The following ANK1 variants were observed in gnomAD, a reference collection of about 807,000 sequenced individuals.
The protein encoded by ANK1 is ankyrin-1.
In ANK1, 51 loss-of-function variants were observed where a neutral mutation model predicts 210.4. The observed-to-expected ratio is 0.24, with a 90% CI of 0.19 to 0.31. The LOEUF is 0.31. Ranked by LOEUF, ANK1 falls within the 10% of genes least tolerant of loss-of-function variation. ANK1 has a pLI of 1.00. For missense variants in ANK1, 2,051 were observed against 2,504.4 expected, an observed-to-expected ratio of 0.82 and a Z score of 3.86; for synonymous variants, 967 against 1,025.9, an observed-to-expected ratio of 0.94 and a Z score of 1.10.
At chr8:41,843,220 G>A (rs542021758) in intron 1 of ANK1, among the ~76,000 whole-genome samples, 4 of 152,278 alleles carry the variant, frequency 2.6e-5, no homozygotes, top group South Asian at 2.1e-4. Context: ...CATGCGGTAC[G>A]TGAGAGATTT....
At chr8:41,763,689 A>G (rs934391472) in intron 1 of ANK1, among the ~76,000 whole-genome samples, 1 of 152,084 alleles carries the variant, frequency 6.6e-6, no homozygotes, top group Non-Finnish European at 1.5e-5. Flanking sequence ...GGTCCCACTC[A>G]GGCTCTGTCC....
chr8:41,747,531 C>A (rs570125983), intron 2 of ANK1, among the ~76,000 whole-genome samples: 4 of 152,270 alleles, frequency 2.6e-5, no homozygotes, highest in African/African-American at 9.6e-5. Context: ...GGCCTGAATT[C>A]TTTGAGATCC....
chr8:41,827,352 T>G (rs6990967), intron 1 of ANK1, among the ~76,000 whole-genome samples: 68,044 of 152,034 alleles, frequency 0.45, 15,886 homozygotes, highest in African/African-American at 0.55. Context: ...TCCGCCAGAG[T>G]AGCTGGCCAA....
chr8:41,749,994 C>G (rs1019687484), intron 2 of ANK1, among the ~76,000 whole-genome samples: 1 of 152,216 alleles, frequency 6.6e-6, no homozygotes, highest in Admixed American at 6.5e-5. Flanking sequence ...TTTTAGACCT[C>G]AGTTTCCTGA....
At chr8:41,870,221 G>A (rs1159796476) in intron 1 of ANK1, among the ~76,000 whole-genome samples, 1 of 151,978 alleles carries the variant, frequency 6.6e-6, no homozygotes, top group Non-Finnish European at 1.5e-5. Context: ...AAATGCCCGA[G>A]ATTATGCATG....
chr8:41,746,279 A>G (rs1836108559), intron 2 of ANK1, among the ~76,000 whole-genome samples: 1 of 152,212 alleles, frequency 6.6e-6, no homozygotes, highest in Non-Finnish European at 1.5e-5. Flanking sequence ...CTAAGGAATC[A>G]GAAGCCAGGC....
At chr8:41,808,462 C>T (rs540095913) in intron 1 of ANK1, among the ~76,000 whole-genome samples, 12 of 152,130 alleles carry the variant, frequency 7.9e-5, no homozygotes, top group Middle Eastern at 3.4e-3. Context: ...GTCAGGAATT[C>T]GAGACCAGCC....
chr8:41,857,141 A>C (rs1022177571), intron 1 of ANK1, among the ~76,000 whole-genome samples: 6 of 150,830 alleles, frequency 4.0e-5, no homozygotes, highest in Non-Finnish European at 8.8e-5. Flanking sequence ...CAGCCTCCTA[A>C]AGTGCTGGGA....
intron 40 of ANK1, among the ~76,000 whole-genome samples, chr8:41,662,279 T>C (rs1585814999): frequency 6.7e-6 from 1 of 149,642 alleles, no homozygotes; most frequent in Admixed American, 6.6e-5. Context: ...GCGGGGGGGC[T>C]GGTCAAGCCC....
chr8:41,777,870 G>A (rs976118429), intron 1 of ANK1, among the ~76,000 whole-genome samples: 16 of 152,104 alleles, frequency 1.1e-4, no homozygotes, highest in African/African-American at 3.4e-4. Context: ...AACAGCCAGC[G>A]CATCATTTCT....
At position 41,785,842 on chromosome 8, in the gene ANK1, T is replaced by G. The variant is rs191738821; in HGVS notation, c.27+11670A>C. On this transcript the variant is annotated intron_variant, in intron 1 of 42. Coordinates refer to ENST00000289734, the MANE Select transcript of ANK1 (RefSeq NM_000037.4). ...TGCTTTCCAGACCCTTTAAACACCC[T>G]GGCGGAGCCTTGCTCGGCCCTTCTG... Among the ~76,000 whole-genome samples the G allele has an allele frequency of 2.5e-3, 385 of 152,328 alleles. 1 individual carries two copies. The highest frequency in any genetic ancestry group is 8.5e-3 in the African/African-American group (352 of 41,572).
In ANK1 at chr8:41,694,621, C is replaced by T. The variant is rs147741842; in HGVS notation, c.3298G>A (p.Val1100Ile). 3.9e-5 allele frequency: 63 copies of T among 1,613,848 alleles called. No individual in the cohort carries two copies. In the African/African-American group the frequency reaches 5.3e-4, roughly 14 times the overall value. The change falls in exon 28 of 43, where the codon GTC (valine) becomes ATC (isoleucine). Residue 1100 changes from valine (V) to isoleucine (I), a missense_variant. This residue lies in a region of ANK1 where 1,413 missense variants were observed against 1,707.4 expected (regional missense o/e 0.83). Coordinates refer to ENST00000289734, the MANE Select transcript of ANK1 (RefSeq NM_000037.4). This position sits in a 1 kb window ranked among gnomAD's most constrained non-coding sequence, Gnocchi z 5.7. ...AGAGCCAGCTTCACTCTCTTGGTGA[C>T]GGCATTCTCCGGGAACGTTGCCTGT... Reference protein sequence around the residue: ...LVQATFPENAVTKRVKLALQA... With the variant: ...LVQATFPENAITKRVKLALQA...
At chr8:41,725,501 G>C (rs1830450953) in intron 6 of ANK1, among the ~76,000 whole-genome samples, 1 of 152,172 alleles carries the variant, frequency 6.6e-6, no homozygotes, top group African/African-American at 2.4e-5. Context: ...CGCCCTGCCC[G>C]CCTGGACACA....
intron 1 of ANK1, among the ~76,000 whole-genome samples, chr8:41,765,097 C>T (rs1022663621): frequency 4.6e-5 from 7 of 151,310 alleles, no homozygotes; most frequent in Admixed American, 2.6e-4. Flanking sequence ...TTCTTTGCCT[C>T]CTTCCCTCCT....
Position 41,694,062 on chromosome 8 carries a change from C to G in ANK1, c.3368G>C (p.Gly1123Ala). 6.2e-7 allele frequency: 1 copy of G among 1,613,970 alleles called. No individual in the cohort carries two copies. Among genetic ancestry groups the G allele is most frequent in the Non-Finnish European group, 8.5e-7 (1 of 1,179,930 alleles). Residue 1123 changes from glycine (G) to alanine (A), a missense_variant, in exon 29 of 43, where the codon GGC becomes GCC. Gly to Ala is a moderately conservative substitution (Grantham distance 60). Around this residue, in one of 6 missense-constraint regions of ANK1, gnomAD observed 1,413 missense variants for 1,707.4 expected, o/e 0.83. Transcript: ENST00000289734. This position sits in a 1 kb window ranked among gnomAD's most constrained non-coding sequence, Gnocchi z 5.7. ...VPDELVTKLL[G>A]NQATFSPIVT... ...AATGGGGCTGAATGTGGCCTGGTTG[C>G]CCAGGAGCTTAGTGACAAGCTCATC...
intron 1 of ANK1, among the ~76,000 whole-genome samples, chr8:41,856,395 G>A (rs1241358664): frequency 6.6e-6 from 1 of 152,212 alleles, no homozygotes; most frequent in African/African-American, 2.4e-5. Context: ...AGAAATTAGA[G>A]AGGAGAGGCT....
rs546667098 is a variant in ANK1, at chr8:41,818,586, T to C, written c.127-60449A>G. 6.8e-5 allele frequency among the ~76,000 whole-genome samples: 10 copies of C among 147,626 alleles called. No homozygotes were observed. In the East Asian group the frequency reaches 1.9e-3, roughly 28 times the overall value. On this transcript the variant is annotated intron_variant, in intron 1 of 42. Coordinates refer to the ANK1 transcript ENST00000265709. The stretch of plus-strand genomic sequence containing the variant: ...TCAAACCAATAAGTCTTTCTTTCTT[T>C]CTTTCTTTCTTTCCTTCTCTTTCCC...
intron 1 of ANK1, among the ~76,000 whole-genome samples, chr8:41,883,240 G>A (rs1817902898): frequency 6.6e-6 from 1 of 152,186 alleles, no homozygotes; most frequent in Non-Finnish European, 1.5e-5. Context: ...ATGCCAGGTG[G>A]AATGGGGTAC....
At chr8:41,731,285 A>T (rs1396100538) in intron 3 of ANK1, among the ~76,000 whole-genome samples, 1 of 152,216 alleles carries the variant, frequency 6.6e-6, no homozygotes, top group African/African-American at 2.4e-5. Context: ...TTTGCTCCAC[A>T]AACACCCAAT....
Sources: allele counts gnomAD v4.1 joint callset (sites outside exome capture counted in the v4.1 genomes callset), GRCh38; gene constraint gnomAD v4.1.1; regional missense constraint gnomAD v4.1.1; non-coding constraint Gnocchi (gnomAD v3.1); transcripts MANE v1.5; gene names NCBI Gene and HGNC (gene_info 2026-07-23, HGNC 2026-07-21).